MTUS2: variants seen among roughly 807,000 people sequenced by gnomAD.
MTUS2 encodes microtubule associated scaffold protein 2.
Under a neutral mutation model 114.1 loss-of-function variants are expected in MTUS2, and 40 were observed. The observed-to-expected ratio is 0.35, with a 90% CI of 0.27 to 0.46. The LOEUF (loss-of-function observed/expected upper bound fraction) is 0.46. Ranked by LOEUF, MTUS2 falls within the 20% of genes least tolerant of loss-of-function variation. The probability of loss-of-function intolerance (pLI) is 1.00; values close to 1 mark genes in which losing one functional copy is unlikely to be tolerated. For missense variants in MTUS2, 1,679 were observed against 1,705.4 expected (o/e 0.98, Z 0.27); for synonymous variants, 688 against 672.0 (o/e 1.02, Z -0.37).
intron 5 of MTUS2, among the ~76,000 whole-genome samples, chr13:29,240,566 G>A (rs983115304): frequency 7.9e-5 from 12 of 152,106 alleles, no homozygotes; most frequent in East Asian, 1.9e-4. Flanking sequence ...TTGTAATACC[G>A]ACACATTACT....
chr13:29,069,688 GA>G (rs1388351124), intron 4 of MTUS2, among the ~76,000 whole-genome samples: 2 of 152,192 alleles, frequency 1.3e-5, no homozygotes, highest in Admixed American at 6.5e-5. Flanking sequence ...AAAAAGCAAG[GA>G]AAAGCAGCTC....
At chr13:29,214,180 G>GT (rs33911822) in intron 5 of MTUS2, among the ~76,000 whole-genome samples, 82 of 145,000 alleles carry the variant, frequency 5.7e-4, no homozygotes, top group African/African-American at 1.4e-3. Flanking sequence ...ATACTACATT[G>GT]TTTTTTTTTT....
At chr13:29,471,784 T>A (rs1050774844) in intron 9 of MTUS2, among the ~76,000 whole-genome samples, 1 of 147,720 alleles carries the variant, frequency 6.8e-6, no homozygotes, top group Non-Finnish European at 1.5e-5. Context: ...AGTTCCTCTT[T>A]CTGAGCCCCT....
intron 4 of MTUS2, among the ~76,000 whole-genome samples, chr13:29,051,813 G>T (rs543114802): frequency 1.3e-5 from 2 of 152,362 alleles, no homozygotes; most frequent in Non-Finnish European, 2.9e-5. Flanking sequence ...ATTAGCCAGA[G>T]AGAGGGAAGT....
chr13:29,168,610 C>T (rs1413227609), intron 5 of MTUS2, among the ~76,000 whole-genome samples: 4 of 152,112 alleles, frequency 2.6e-5, no homozygotes, highest in Non-Finnish European at 5.9e-5. Flanking sequence ...CTGCTAATTT[C>T]CAGAACAAAC....
intron 5 of MTUS2, among the ~76,000 whole-genome samples, chr13:29,165,973 G>A (rs1893299439): frequency 6.6e-6 from 1 of 152,196 alleles, no homozygotes; most frequent in African/African-American, 2.4e-5. Context: ...AGGGTGGGAT[G>A]GCTGGAGGAA....
intron 2 of MTUS2, among the ~76,000 whole-genome samples, chr13:28,952,559 C>T (rs904400279): frequency 6.6e-6 from 1 of 152,128 alleles, no homozygotes; most frequent in Non-Finnish European, 1.5e-5. Context: ...CATCTTATCT[C>T]TCATCATGCT....
chr13:29,483,370 C>T (rs935564856), intron 10 of MTUS2, among the ~76,000 whole-genome samples: 2 of 152,236 alleles, frequency 1.3e-5, no homozygotes, highest in Admixed American at 1.3e-4. Flanking sequence ...CCAGCCAGAG[C>T]TGCTTCTTGC....
intron 3 of MTUS2, among the ~76,000 whole-genome samples, chr13:29,033,022 A>T (rs1886899151): frequency 6.6e-6 from 1 of 152,240 alleles, no homozygotes; most frequent in African/African-American, 2.4e-5. Flanking sequence ...TATAAAAGGT[A>T]CTGCCCACAG....
chr13:28,823,952 C>T (rs1427425778), intron 1 of MTUS2, among the ~76,000 whole-genome samples: 1 of 152,128 alleles, frequency 6.6e-6, no homozygotes. Context: ...GTCGCGAGAA[C>T]AACATGAGGG....
At chr13:28,827,238 A>G (rs1216824465) in intron 1 of MTUS2, among the ~76,000 whole-genome samples, 1 of 152,236 alleles carries the variant, frequency 6.6e-6, no homozygotes, top group Admixed American at 6.5e-5. Flanking sequence ...TATCATTGGA[A>G]GTTTGTACAG....
At chr13:29,272,010 C>T (rs1041435559) in intron 5 of MTUS2, among the ~76,000 whole-genome samples, 1 of 152,082 alleles carries the variant, frequency 6.6e-6, no homozygotes, top group Admixed American at 6.6e-5. Context: ...TCATATCTAA[C>T]GTTTTCTCTG....
intron 2 of MTUS2, among the ~76,000 whole-genome samples, chr13:28,987,425 C>T (rs955282890): frequency 6.6e-6 from 1 of 151,838 alleles, no homozygotes; most frequent in Non-Finnish European, 1.5e-5. Context: ...CTGGATATCA[C>T]GGCTTTGAGG....
intron 8 of MTUS2, among the ~76,000 whole-genome samples, chr13:29,372,139 A>G (rs188101613): frequency 2.0e-5 from 3 of 151,462 alleles, no homozygotes; most frequent in South Asian, 2.1e-4. Flanking sequence ...TTGTACCTCA[A>G]TAAAGCTGGC....
chr13:29,169,412 T>C (rs1207446750), intron 5 of MTUS2, among the ~76,000 whole-genome samples: 3 of 152,194 alleles, frequency 2.0e-5, no homozygotes, highest in African/African-American at 7.2e-5. Flanking sequence ...GTTCTGAGTG[T>C]GTGATTCATT....
intron 1 of MTUS2, among the ~76,000 whole-genome samples, chr13:28,825,804 T>C (rs1231897150): frequency 6.6e-6 from 1 of 152,194 alleles, no homozygotes; most frequent in Non-Finnish European, 1.5e-5. Flanking sequence ...AAATCTCTCA[T>C]ATAGAGGTTC....
intron 2 of MTUS2, among the ~76,000 whole-genome samples, chr13:28,993,025 C>G (rs1884932869): frequency 6.6e-6 from 1 of 152,206 alleles, no homozygotes; most frequent in African/African-American, 2.4e-5. Flanking sequence ...TTTCTCTTAG[C>G]AACATGTCCT....
At chr13:29,430,757 T>C (rs1876934197) in intron 8 of MTUS2, among the ~76,000 whole-genome samples, 1 of 152,264 alleles carries the variant, frequency 6.6e-6, no homozygotes, top group Non-Finnish European at 1.5e-5. Flanking sequence ...ATTTATTTAA[T>C]TGATAGTTAC....
chr13:29,223,642 A>G (rs951624613), intron 5 of MTUS2, among the ~76,000 whole-genome samples: 2 of 152,222 alleles, frequency 1.3e-5, no homozygotes, highest in African/African-American at 2.4e-5. Context: ...CTTCCTGGAC[A>G]TGGGACAAGA....
Sources: allele counts gnomAD v4.1 joint callset (sites outside exome capture counted in the v4.1 genomes callset), GRCh38; gene constraint gnomAD v4.1.1; transcripts MANE v1.5; gene names NCBI Gene and HGNC (gene_info 2026-07-23, HGNC 2026-07-21).